The following SLC9A3 variants were observed in gnomAD, a reference collection of about 807,000 sequenced individuals.
SLC9A3 encodes sodium/hydrogen exchanger 3.
Under a neutral mutation model 86.8 loss-of-function variants are expected in SLC9A3, and 37 were observed. That is an observed-to-expected ratio of 0.43 (90% CI 0.33 to 0.56). SLC9A3 has a LOEUF of 0.56. Ranked by LOEUF, SLC9A3 falls within the 20% of genes least tolerant of loss-of-function variation. The pLI, the probability that SLC9A3 is intolerant of heterozygous loss-of-function variation, is 0.06. For missense variants in SLC9A3, 1,011 were observed against 1,171.9 expected, an observed-to-expected ratio of 0.86 and a Z score of 2.00; for synonymous variants, 581 against 528.3, an observed-to-expected ratio of 1.10 and a Z score of -1.37.
At chr5:523,792 T>C (rs941318491) in intron 1 of SLC9A3, among the ~76,000 whole-genome samples, 3 of 152,090 alleles carry the variant, frequency 2.0e-5, no homozygotes, top group African/African-American at 4.8e-5. Context: ...CCCCGGGGAC[T>C]CCCTGGGCGC....
At chr5:479,630 A>G in intron 10 of SLC9A3, 1 of 569,634 alleles carries the variant, frequency 1.8e-6, no homozygotes, top group South Asian at 2.0e-5. Flanking sequence ...CACCACAGTC[A>G]CCAGGACTCT....
chr5:473,328 G>C lies in SLC9A3; in HGVS notation c.*51C>G. 1 of 1,403,820 alleles carries C rather than the reference G, an allele frequency of 7.1e-7. No homozygotes were observed. The highest frequency in any genetic ancestry group is 1.5e-5 in the South Asian group (1 of 66,708). The allele number at this position is 1,403,820 out of a possible 1,614,324, so 87.0% of individuals were successfully genotyped here. On this transcript the variant is annotated 3_prime_UTR_variant, in exon 17 of 17. Coordinates refer to ENST00000264938, the MANE Select transcript of SLC9A3 (RefSeq NM_004174.4). ...TGGGACAGCGGCGGCGGCGGTGGGC[G>C]GACCGTGGCGCGGGGACGAGCGGCC...
chr5:519,515 G>A (rs1007925295), intron 1 of SLC9A3, among the ~76,000 whole-genome samples: 1 of 152,208 alleles, frequency 6.6e-6, no homozygotes, highest in Non-Finnish European at 1.5e-5. Context: ...GGCTGCACCT[G>A]GGAGAAATCC....
intron 1 of SLC9A3, among the ~76,000 whole-genome samples, chr5:517,232 T>A (rs1733756514): frequency 7.5e-6 from 1 of 133,748 alleles, no homozygotes; most frequent in African/African-American, 2.9e-5. Flanking sequence ...GCATCAGCCA[T>A]CCATCCATCT....
chr5:481,665 C>CGGGGCGGCCAACCGGGGAACAT, intron 8 of SLC9A3, 30 bp from the exon 9 acceptor site: 2 of 1,596,654 alleles, frequency 1.3e-6, no homozygotes, highest in Non-Finnish European at 1.7e-6. Flanking sequence ...ATGAGCGTCT[C>CGGGGCGGCCAACCGGGGAACAT]GGGGCGGCCA....
At chr5:502,690 TG>T (rs1477174251) in intron 1 of SLC9A3, among the ~76,000 whole-genome samples, 1 of 152,000 alleles carries the variant, frequency 6.6e-6, no homozygotes, top group Non-Finnish European at 1.5e-5. Context: ...AGCGGTGGAG[TG>T]GAACAGGGCT....
rs113759562 is a variant in SLC9A3, at chr5:522,710, G to C, written c.211+1402C>G. Among the ~76,000 whole-genome samples, 1,137 of 147,492 alleles carry C rather than the reference G, an allele frequency of 7.7e-3. 17 individuals are homozygous for C. The highest frequency in any genetic ancestry group is 0.027 in the African/African-American group (1,060 of 39,220). ...GCCGAGATCGCGTCATTGCACTCCA[G>C]CCTGGGCAACAAGAGCAAAATTCTA... On this transcript the variant is annotated intron_variant, in intron 1 of 16. Coordinates refer to ENST00000264938, the MANE Select transcript of SLC9A3 (RefSeq NM_004174.4).
Position 472,102 on chromosome 5 carries a change from G to A in SLC9A3, c.*1277C>T, listed in dbSNP as rs2126595889. 2 of 422,098 alleles carry A rather than the reference G, an allele frequency of 4.7e-6. No individual in the cohort carries two copies. The highest frequency in any genetic ancestry group is 3.4e-5 in the South Asian group (2 of 58,956). 26.1% of individuals were successfully genotyped at this position (422,098 alleles called of 1,614,324 possible). On this transcript the variant is annotated 3_prime_UTR_variant, in exon 17 of 17. Transcript: ENST00000264938. The stretch of plus-strand genomic sequence containing the variant: ...TGGGTTGGACCCTGTGGGACTTGCC[G>A]TCTGAGGGATGGATGGACTCCGAGC...
chr5:481,102 C>T (rs757450531), intron 9 of SLC9A3, among the ~76,000 whole-genome samples: 1 of 152,178 alleles, frequency 6.6e-6, no homozygotes, highest in Non-Finnish European at 1.5e-5. Context: ...GTTGGCTAGG[C>T]TGGTCTCAAA....
chr5:500,526 CGGGGCTGGTGTGGGA>C (rs1207335317), intron 1 of SLC9A3, among the ~76,000 whole-genome samples: 45 of 146,026 alleles, frequency 3.1e-4, no homozygotes, highest in African/African-American at 9.9e-4. Context: ...CCAGTGTGGA[CGGGGCTGGTGTGGGA>C]GGGGCTGGTG....
chr5:494,173 C>A (rs1227446273), intron 1 of SLC9A3, among the ~76,000 whole-genome samples: 1 of 152,256 alleles, frequency 6.6e-6, no homozygotes, highest in Non-Finnish European at 1.5e-5. Context: ...GGCTGTGATG[C>A]ACGTGAGAAG....
chr5:518,971 C>A (rs1181869566), intron 1 of SLC9A3, among the ~76,000 whole-genome samples: 1 of 152,288 alleles, frequency 6.6e-6, no homozygotes, highest in Non-Finnish European at 1.5e-5. Flanking sequence ...ACTTCCCAAC[C>A]TTTGCCCCTT....
At chr5:509,431 G>A (rs1248732072) in intron 1 of SLC9A3, among the ~76,000 whole-genome samples, 3 of 149,264 alleles carry the variant, frequency 2.0e-5, no homozygotes, top group African/African-American at 7.4e-5. Context: ...TGCAGCCTGG[G>A]CGAGAGAGTG....
At chr5:520,291 C>T (rs896843824) in intron 1 of SLC9A3, among the ~76,000 whole-genome samples, 4 of 152,220 alleles carry the variant, frequency 2.6e-5, no homozygotes, top group African/African-American at 9.6e-5. Flanking sequence ...CGGCCCCAGC[C>T]CCTCCCCGGT....
intron 1 of SLC9A3, among the ~76,000 whole-genome samples, chr5:508,151 G>A (rs1579817655): frequency 6.6e-6 from 1 of 152,370 alleles, no homozygotes; most frequent in African/African-American, 2.4e-5. Flanking sequence ...ATCACAAGCA[G>A]CCCAGAGCGC....
chr5:507,080 AT>A (rs1168138091), intron 1 of SLC9A3, among the ~76,000 whole-genome samples: 735 of 30,848 alleles, frequency 0.024, 4 homozygotes, highest in South Asian at 0.069. Context: ...GTCTCAAAAA[AT>A]AAATAAATAA....
At chr5:473,710 C>T (rs574936360) in intron 16 of SLC9A3, among the ~76,000 whole-genome samples, 113 of 152,326 alleles carry the variant, frequency 7.4e-4, no homozygotes, top group African/African-American at 2.6e-3. Context: ...CTTCCTCCAT[C>T]TCAAACCGCC....
rs1176911142 is a variant in SLC9A3 at position 473,149 on chromosome 5, C to T, written c.*230G>A. The T allele has an allele frequency of 7.1e-5, 25 of 350,956 alleles. 1 individual carries two copies. The highest frequency in any genetic ancestry group is 2.3e-5 in the Non-Finnish European group (5 of 213,246). The allele number at this position is 350,956 out of a possible 1,614,324, so 21.7% of individuals were successfully genotyped here. ...CTCGGCAGCCCTCGGCGCTCCGGCC[C>T]CGCCCCCGGCGCAGGCCCCGCCCCC... is the stretch of plus-strand genomic sequence containing the variant. On this transcript the variant is annotated 3_prime_UTR_variant, in exon 17 of 17. Coordinates refer to ENST00000264938, the MANE Select transcript of SLC9A3 (RefSeq NM_004174.4).
At chr5:519,741 T>A (rs903601871) in intron 1 of SLC9A3, among the ~76,000 whole-genome samples, 2 of 151,778 alleles carry the variant, frequency 1.3e-5, no homozygotes, top group Non-Finnish European at 2.9e-5. Flanking sequence ...CCCTGTCCAG[T>A]TAAGGAGGAG....
Sources: gnomAD v4.1 joint callset for allele counts (sites outside exome capture counted in the v4.1 genomes callset) on GRCh38, gnomAD v4.1.1 for gene constraint, MANE v1.5 for transcripts, NCBI Gene and HGNC (gene_info 2026-07-23, HGNC 2026-07-21) for gene names.